The following GRM8 variants were observed in gnomAD, a reference collection of about 807,000 sequenced individuals.
GRM8 encodes metabotropic glutamate receptor 8.
A neutral mutation model predicts 87.2 loss-of-function variants in GRM8; 47 were observed. That is an observed-to-expected ratio of 0.54 (90% CI 0.43 to 0.69). The LOEUF is 0.69. Among genes scored for constraint, GRM8 ranks in the 30% least tolerant of loss-of-function variants. The probability of loss-of-function intolerance (pLI) is 0.00; values close to 1 mark genes in which losing one functional copy is unlikely to be tolerated. For synonymous variants in GRM8, 396 were observed against 404.5 expected, an observed-to-expected ratio of 0.98 and a Z score of 0.25; for missense variants, 1,019 against 1,139.2, an observed-to-expected ratio of 0.89 and a Z score of 1.52.
At chr7:126,883,253 T>C (rs1286408620) in intron 6 of GRM8, among the ~76,000 whole-genome samples, 2 of 152,200 alleles carry the variant, frequency 1.3e-5, no homozygotes, top group Non-Finnish European at 2.9e-5. Context: ...GTAAACACCC[T>C]GAATTTACAA....
intron 3 of GRM8, among the ~76,000 whole-genome samples, chr7:127,081,422 T>C (rs888894347): frequency 3.3e-5 from 5 of 152,028 alleles, no homozygotes; most frequent in Non-Finnish European, 7.4e-5. Flanking sequence ...CCAGAGAGAG[T>C]GAAACATTAG....
chr7:126,903,893 T>G (rs1802419000), intron 5 of GRM8, 79 bp downstream of exon 5: 1 of 811,764 alleles, frequency 1.2e-6, no homozygotes, highest in Non-Finnish European at 2.0e-6. Flanking sequence ...GTGCATTTCC[T>G]CATATTATGA....
intron 8 of GRM8, among the ~76,000 whole-genome samples, chr7:126,570,671 A>G (rs1794619747): frequency 6.6e-6 from 1 of 152,124 alleles, no homozygotes. Context: ...ACTACTAAAA[A>G]TTTCAGGAGC....
chr7:127,157,050 G>A (rs1038141584), intron 2 of GRM8, among the ~76,000 whole-genome samples: 1 of 151,746 alleles, frequency 6.6e-6, no homozygotes, highest in African/African-American at 2.4e-5. Flanking sequence ...TCAGAGGAGA[G>A]GATAATAAAG....
chr7:126,831,549 C>T (rs4728054), intron 6 of GRM8, among the ~76,000 whole-genome samples: 58,195 of 152,174 alleles, frequency 0.38, 12,656 homozygotes, highest in Non-Finnish European at 0.49. Context: ...CTAAGCCCAT[C>T]GGAAAAGTCC....
chr7:127,154,646 T>C (rs997562895), intron 2 of GRM8, among the ~76,000 whole-genome samples: 2 of 152,062 alleles, frequency 1.3e-5, no homozygotes. Context: ...TTGAATTGAG[T>C]TTTACTGTTC....
intron 7 of GRM8, among the ~76,000 whole-genome samples, chr7:126,744,967 TTTA>T (rs1030654776): frequency 1.7e-5 from 2 of 118,484 alleles, no homozygotes; most frequent in Non-Finnish European, 1.9e-5. Flanking sequence ...ATGTAATTGA[TTTA>T]TTATTATTTT....
chr7:126,952,163 A>T (rs1808231742), intron 3 of GRM8, among the ~76,000 whole-genome samples: 1 of 152,066 alleles, frequency 6.6e-6, no homozygotes, highest in Non-Finnish European at 1.5e-5. Context: ...GGGCTTAATA[A>T]GAGAGCACAA....
intron 3 of GRM8, among the ~76,000 whole-genome samples, chr7:127,059,370 T>C (rs1820387280): frequency 2.0e-5 from 3 of 149,824 alleles, no homozygotes. Flanking sequence ...GGAGTCTTGC[T>C]CTGTCACCCA....
chr7:126,525,741 C>T (rs1010135559), intron 9 of GRM8, among the ~76,000 whole-genome samples: 1 of 152,128 alleles, frequency 6.6e-6, no homozygotes, highest in African/African-American at 2.4e-5. Context: ...TCCTCTCATT[C>T]TCTCTCCCTC....
At chr7:126,961,797 G>C (rs1809352629) in intron 3 of GRM8, among the ~76,000 whole-genome samples, 1 of 152,188 alleles carries the variant, frequency 6.6e-6, no homozygotes, top group South Asian at 2.1e-4. Context: ...TTTTTGATTG[G>C]ACATCTGATA....
chr7:126,658,486 C>T lies in GRM8; in HGVS notation c.1358-48988G>A, dbSNP rs568143892. Reference sequence around the variant, plus strand: ...TCTTGGAAGGAGCCTAAGAGAGCATCGAATCCAAGAAGTTTGGGGATGATA... The same window carrying T: ...TCTTGGAAGGAGCCTAAGAGAGCATTGAATCCAAGAAGTTTGGGGATGATA... On this transcript the variant is annotated intron_variant, in intron 7 of 10. Transcript: ENST00000339582. Among the ~76,000 whole-genome samples, 6 of 152,072 alleles carry T rather than the reference C, an allele frequency of 3.9e-5. No individual in the cohort carries two copies. In the South Asian group the frequency reaches 8.3e-4, roughly 21 times the overall value.
At chr7:126,735,947 G>A (rs1202119796) in intron 7 of GRM8, among the ~76,000 whole-genome samples, 1 of 152,068 alleles carries the variant, frequency 6.6e-6, no homozygotes, top group Non-Finnish European at 1.5e-5. Flanking sequence ...CCTTGCTAAT[G>A]CTAACTTCAA....
At chr7:126,825,909 C>A (rs1350524938) in intron 6 of GRM8, among the ~76,000 whole-genome samples, 1 of 149,324 alleles carries the variant, frequency 6.7e-6, no homozygotes, top group Non-Finnish European at 1.5e-5. Flanking sequence ...TGTGATGTTC[C>A]CCTTCCTGTG....
At chr7:126,754,915 A>C (rs1275496511) in intron 7 of GRM8, among the ~76,000 whole-genome samples, 2 of 151,680 alleles carry the variant, frequency 1.3e-5, no homozygotes, top group Non-Finnish European at 3.0e-5. Flanking sequence ...CATTGCTATC[A>C]TGCTCAAAAG....
At chr7:126,459,133 T>C (rs1803591281) in intron 9 of GRM8, among the ~76,000 whole-genome samples, 1 of 151,306 alleles carries the variant, frequency 6.6e-6, no homozygotes, top group Non-Finnish European at 1.5e-5. Context: ...TAAGTCCACA[T>C]AGAAATGAAA....
intron 6 of GRM8, among the ~76,000 whole-genome samples, chr7:126,805,336 C>T (rs1056791162): frequency 6.6e-6 from 1 of 152,194 alleles, no homozygotes; most frequent in Non-Finnish European, 1.5e-5. Context: ...CAGAGCACAA[C>T]TGGAACTATT....
intron 8 of GRM8, among the ~76,000 whole-genome samples, chr7:126,563,493 G>C (rs1793923575): frequency 6.6e-6 from 1 of 152,082 alleles, no homozygotes; most frequent in Non-Finnish European, 1.5e-5. Context: ...AGGAGTCAGA[G>C]AGCCATCCTG....
At chr7:126,635,039 C>T (rs1223859648) in intron 7 of GRM8, among the ~76,000 whole-genome samples, 2 of 152,166 alleles carry the variant, frequency 1.3e-5, no homozygotes, top group Non-Finnish European at 2.9e-5. Flanking sequence ...GGGTGAAAGT[C>T]ACCCACATCA....
Sources: gnomAD v4.1 joint callset for allele counts (sites outside exome capture counted in the v4.1 genomes callset) on GRCh38, gnomAD v4.1.1 for gene constraint, MANE v1.5 for transcripts, NCBI Gene and HGNC (gene_info 2026-07-23, HGNC 2026-07-21) for gene names.